The following CA10 variants were observed in gnomAD, a reference collection of about 807,000 sequenced individuals.
CA10 encodes the protein carbonic anhydrase-related protein 10.
Under a neutral mutation model 44.2 loss-of-function variants are expected in CA10, and 14 were observed. The observed-to-expected ratio is 0.32, with a 90% confidence interval of 0.21 to 0.50. CA10 has a LOEUF of 0.50. CA10 is among the 20% of genes least tolerant of loss of function. The probability of loss-of-function intolerance (pLI) is 0.99; values close to 1 mark genes in which losing one functional copy is unlikely to be tolerated. For missense variants in CA10, 350 were observed against 409.7 expected, an observed-to-expected ratio of 0.85 and a Z score of 1.26; for synonymous variants, 159 against 141.6, an observed-to-expected ratio of 1.12 and a Z score of -0.87.
At chr17:51,950,143 G>A (rs2080664960) in intron 2 of CA10, among the ~76,000 whole-genome samples, 1 of 152,008 alleles carries the variant, frequency 6.6e-6, no homozygotes, top group Admixed American at 6.6e-5. Flanking sequence ...CACCATCCCT[G>A]CACTGGATGC....
Position 52,003,189 on chromosome 17 carries a change from T to C in CA10, c.136+69130A>G, listed in dbSNP as rs531826758. On this transcript the variant is annotated intron_variant, in intron 2 of 8. Coordinates refer to ENST00000451037, the MANE Select transcript of CA10 (RefSeq NM_020178.5). ...GGACCACTGTACATGTTGCTCCCCT[T>C]GCCACAGATAACCTGACCTGTTATT... 5.8e-4 allele frequency among the ~76,000 whole-genome samples: 88 copies of C among 152,030 alleles called. 3 individuals are homozygous for C. The highest frequency in any genetic ancestry group is 2.0e-3 in the African/African-American group (85 of 41,526).
intron 4 of CA10, among the ~76,000 whole-genome samples, chr17:51,704,901 G>C (rs1325138019): frequency 2.0e-5 from 3 of 151,780 alleles, no homozygotes; most frequent in Non-Finnish European, 4.4e-5. Flanking sequence ...AGGTGGAGGT[G>C]GAGGTTGCAG....
Position 52,158,514 on chromosome 17 carries a change from A to T in CA10, c.-728T>A, listed in dbSNP as rs1175797558. The T allele has an allele frequency of 6.5e-6, 1 of 154,498 alleles. No homozygotes were observed. Among genetic ancestry groups the T allele is most frequent in the East Asian group, 1.9e-4 (1 of 5,170 alleles). The allele number at this position is 154,498 out of a possible 1,614,324, so 9.6% of individuals were successfully genotyped here. Reference sequence around the variant, plus strand: ...GTCCGCGCGCAGCCTGCAGCCTCTCAGCCGGGTTCCGGCAGTGCGTCCAGG... The same window carrying T: ...GTCCGCGCGCAGCCTGCAGCCTCTCTGCCGGGTTCCGGCAGTGCGTCCAGG... On this transcript the variant is annotated 5_prime_UTR_variant, in exon 1 of 9. Coordinates refer to ENST00000451037, the MANE Select transcript of CA10 (RefSeq NM_020178.5).
intron 3 of CA10, among the ~76,000 whole-genome samples, chr17:51,896,539 T>C (rs1981074760): frequency 6.6e-6 from 1 of 152,152 alleles, no homozygotes; most frequent in African/African-American, 2.4e-5. Flanking sequence ...AGTGCTGTGA[T>C]GAAGATACGC....
chr17:51,783,917 C>T (rs1190650708), intron 3 of CA10, among the ~76,000 whole-genome samples: 1 of 152,042 alleles, frequency 6.6e-6, no homozygotes, highest in Admixed American at 6.5e-5. Flanking sequence ...AGGAGCAAGG[C>T]TGGAGAGCTG....
At chr17:51,639,329 T>G (rs976083777) in intron 6 of CA10, among the ~76,000 whole-genome samples, 1 of 151,962 alleles carries the variant, frequency 6.6e-6, no homozygotes, top group African/African-American at 2.4e-5. Flanking sequence ...AAGGGGGAAG[T>G]AGAAAGAGAG....
chr17:51,849,402 A>G (rs1170399673), intron 3 of CA10, among the ~76,000 whole-genome samples: 1 of 151,676 alleles, frequency 6.6e-6, no homozygotes, highest in African/African-American at 2.4e-5. Context: ...ATGGCTTCCT[A>G]TAAGTAAGAT....
chr17:51,969,620 A>G (rs1245276785), intron 2 of CA10, among the ~76,000 whole-genome samples: 1 of 152,028 alleles, frequency 6.6e-6, no homozygotes, highest in Non-Finnish European at 1.5e-5. Flanking sequence ...ACCGTAAGAA[A>G]CAGCCCAGTT....
chr17:51,875,703 G>C (rs957562355), intron 3 of CA10, among the ~76,000 whole-genome samples: 4 of 151,986 alleles, frequency 2.6e-5, no homozygotes, highest in African/African-American at 9.7e-5. Context: ...GGGGTATATA[G>C]TTAAATGAGT....
chr17:51,647,470 C>A (rs539303630), intron 6 of CA10, among the ~76,000 whole-genome samples: 1 of 152,174 alleles, frequency 6.6e-6, no homozygotes, highest in African/African-American at 2.4e-5. Flanking sequence ...TCTTCCCTGC[C>A]TCCCCTTCCT....
At chr17:51,855,110 G>C (rs1978982146) in intron 3 of CA10, among the ~76,000 whole-genome samples, 1 of 152,106 alleles carries the variant, frequency 6.6e-6, no homozygotes, top group Non-Finnish European at 1.5e-5. Flanking sequence ...TGTGCCTATG[G>C]CTCTGTGTCT....
chr17:51,756,064 A>AC (rs1366573460), intron 3 of CA10, among the ~76,000 whole-genome samples: 7 of 148,320 alleles, frequency 4.7e-5, no homozygotes, highest in Non-Finnish European at 7.5e-5. Context: ...TCTTCAGCAG[A>AC]TTTTTTTTTT....
At chr17:51,709,912 G>T (rs534886544) in intron 4 of CA10, among the ~76,000 whole-genome samples, 2 of 152,314 alleles carry the variant, frequency 1.3e-5, no homozygotes, top group South Asian at 4.1e-4. Flanking sequence ...GAGTTGGAAT[G>T]GGTGGTAGGG....
At chr17:51,633,682 C>CCCT in intron 7 of CA10, 32 bp from the exon 8 acceptor site, 4 of 1,606,538 alleles carry the variant, frequency 2.5e-6, no homozygotes, top group Non-Finnish European at 3.4e-6. Flanking sequence ...TGAGATCCAA[C>CCCT]CATCCTCTTA....
At chr17:51,993,394 G>C (rs1361605578) in intron 2 of CA10, among the ~76,000 whole-genome samples, 1 of 152,068 alleles carries the variant, frequency 6.6e-6, no homozygotes, top group Non-Finnish European at 1.5e-5. Context: ...CATACACTTT[G>C]ATTCTTTCCC....
At chr17:51,654,264 G>A (rs751642729) in intron 4 of CA10, among the ~76,000 whole-genome samples, 11 of 152,182 alleles carry the variant, frequency 7.2e-5, no homozygotes, top group South Asian at 2.1e-4. Context: ...AGCCTGTCCC[G>A]GTCATCTGGT....
intron 3 of CA10, among the ~76,000 whole-genome samples, chr17:51,889,761 A>T (rs1340795369): frequency 6.6e-6 from 1 of 152,198 alleles, no homozygotes; most frequent in Non-Finnish European, 1.5e-5. Context: ...TTAACTACAA[A>T]TTTCTAATGG....
chr17:52,116,735 C>T (rs1025507477), intron 1 of CA10, among the ~76,000 whole-genome samples: 6 of 152,182 alleles, frequency 3.9e-5, no homozygotes, highest in African/African-American at 1.4e-4. Flanking sequence ...GAAAGGAACC[C>T]AGAAGCCTGA....
At chr17:51,644,503 C>G (rs150596013) in intron 6 of CA10, among the ~76,000 whole-genome samples, 1 of 152,160 alleles carries the variant, frequency 6.6e-6, no homozygotes, top group African/African-American at 2.4e-5. Flanking sequence ...TGGATGCCAA[C>G]GTCTTCCACA....
Sources: gnomAD v4.1 joint callset for allele counts (sites outside exome capture counted in the v4.1 genomes callset) on GRCh38, gnomAD v4.1.1 for gene constraint, MANE v1.5 for transcripts, NCBI Gene and HGNC (gene_info 2026-07-23, HGNC 2026-07-21) for gene names.